The following XIST variants were observed in gnomAD, a reference collection of about 807,000 sequenced individuals.
XIST encodes the protein X inactive specific transcript (non-protein coding).
At chrX:73,829,004 C>CA (rs1357823178) in intron 5 of XIST, 2 of 489,217 alleles carry the variant, frequency 4.1e-6, no homozygotes, top group Non-Finnish European at 7.3e-6. Flanking sequence ...CACCAGCTCC[C>CA]AAAAAACAGC....
At chrX:73,847,612 T>C in exon 1 of XIST, 4 of 515,408 alleles carry the variant, frequency 7.8e-6, no homozygotes, top group South Asian at 2.5e-5. Context: ...ATTAGCTTGA[T>C]ATAAAAGCTA....
chrX:73,850,253 T>G, exon 1 of XIST: 1 of 550,279 alleles, frequency 1.8e-6, no homozygotes, highest in Non-Finnish European at 3.3e-6. Context: ...ACATTAGAAA[T>G]GATTTGACTT....
Position 73,846,500 on chromosome X carries a change from T to G in XIST, n.6224A>C, listed in dbSNP as rs755819718. ...GGGACTGCGTTATCAGCAACCCTTC[T>G]GTATTGCAAAAGGGGTCGGAGAGTA... On this transcript the variant is annotated non_coding_transcript_exon_variant, in exon 1 of 6. Coordinates refer to ENST00000429829, the Ensembl canonical transcript of XIST. 4.7e-5 allele frequency: 26 copies of G among 557,556 alleles called. No individual in the cohort carries two copies. In the East Asian group the frequency reaches 7.2e-4, roughly 15 times the overall value. 45.9% of individuals were successfully genotyped at this position (557,556 alleles called of 1,213,427 possible).
At chrX:73,837,534 C>T (rs1358387144) in intron 1 of XIST, 2 of 500,919 alleles carry the variant, frequency 4.0e-6, no homozygotes, top group Admixed American at 5.5e-5. Context: ...TAAGGAAAAA[C>T]TAAGGAAATC....
chrX:73,827,517 C>T, exon 6 of XIST: 1 of 537,324 alleles, frequency 1.9e-6, no homozygotes, highest in Non-Finnish European at 3.3e-6. Flanking sequence ...GAGAATAGCC[C>T]AAGAGAGGCA....
chrX:73,841,753 A>G (rs1193825551), exon 1 of XIST: 1 of 501,415 alleles, frequency 2.0e-6, no homozygotes, highest in Non-Finnish European at 3.5e-6. Context: ...AACTACTTCA[A>G]ATTATTACTA....
intron 2 of XIST, among the ~76,000 whole-genome samples, chrX:73,834,772 G>A (rs1922449029): frequency 1.0e-5 from 1 of 96,788 alleles, no homozygotes; most frequent in South Asian, 5.3e-4. Context: ...GATCACCTGA[G>A]GTCAGAAGTT....
chrX:73,821,581 T>C, exon 6 of XIST: 2 of 557,975 alleles, frequency 3.6e-6, no homozygotes, highest in Non-Finnish European at 6.5e-6. Flanking sequence ...TGCATGAAAC[T>C]GAACAATTTA....
At chrX:73,822,892 T>C in exon 6 of XIST, 1 of 558,258 alleles carries the variant, frequency 1.8e-6, no homozygotes, top group Non-Finnish European at 3.2e-6. Flanking sequence ...TGAAGTTTCT[T>C]CTCAACTAAA....
At chrX:73,837,443 G>A (rs1310404640) in exon 2 of XIST, 3 of 493,361 alleles carry the variant, frequency 6.1e-6, no homozygotes, top group Admixed American at 5.7e-5. Context: ...TCATTACCAA[G>A]AGGAGCCTAA....
chrX:73,852,229 G>C (rs1569512959), exon 1 of XIST: 3 of 548,528 alleles, frequency 5.5e-6, no homozygotes, highest in Non-Finnish European at 9.8e-6. Context: ...GGAATCAGCA[G>C]GTATCCGATA....
chrX:73,841,283 G>T (rs1393422117), intron 1 of XIST: 1 of 405,403 alleles, frequency 2.5e-6, no homozygotes, highest in Non-Finnish European at 4.2e-6. Flanking sequence ...AAGAAGGAAA[G>T]AAACTTACTG....
At chrX:73,836,036 C>G (rs1364854471) in intron 2 of XIST, among the ~76,000 whole-genome samples, 1 of 111,038 alleles carries the variant, frequency 9.0e-6, no homozygotes, top group Non-Finnish European at 1.9e-5. Context: ...TAAATAGGCA[C>G]TTTGGAAGGC....
At chrX:73,838,362 CAT>C (rs1922523733) in intron 1 of XIST, among the ~76,000 whole-genome samples, 1 of 110,838 alleles carries the variant, frequency 9.0e-6, no homozygotes, top group South Asian at 3.7e-4. Flanking sequence ...CATAACCTCT[CAT>C]GTTTCCGGGA....
exon 1 of XIST, chrX:73,848,997 T>A (rs773904304): frequency 1.8e-6 from 1 of 558,522 alleles, no homozygotes; most frequent in Non-Finnish European, 3.2e-6. Flanking sequence ...TAAGAATGAG[T>A]CAGTCCCACT....
At chrX:73,841,212 TTATGCATG>T in intron 1 of XIST, 1 of 346,721 alleles carries the variant, frequency 2.9e-6, no homozygotes, top group Non-Finnish European at 5.0e-6. Flanking sequence ...ATATGTGTAT[TTATGCATG>T]TATGTATGTA....
At chrX:73,851,098 G>A (rs1922927266) in exon 1 of XIST, 2 of 557,626 alleles carry the variant, frequency 3.6e-6, no homozygotes, top group Admixed American at 2.2e-5. Context: ...TGCTCTAATT[G>A]GCTGTGATCA....
chrX:73,845,858 G>A (rs755039472), exon 1 of XIST: 8 of 553,876 alleles, frequency 1.4e-5, no homozygotes, highest in Non-Finnish European at 2.3e-5. Context: ...CTAATACACA[G>A]GAACCCAGAC....
exon 6 of XIST, chrX:73,825,050 T>C: frequency 1.9e-6 from 1 of 515,065 alleles, no homozygotes; most frequent in Non-Finnish European, 3.5e-6. Flanking sequence ...AGCACTTTAA[T>C]ATGCACCTTT....
Sources: allele counts gnomAD v4.1 joint callset (sites outside exome capture counted in the v4.1 genomes callset), GRCh38; gene constraint gnomAD v4.1.1; transcripts MANE v1.5; gene names NCBI Gene and HGNC (gene_info 2026-07-23, HGNC 2026-07-21).